Variants in NPFFR2 observed in about 807,000 individuals in gnomAD.
The protein encoded by NPFFR2 is G-protein coupled receptor 74.
Under a neutral mutation model 13.1 loss-of-function variants are expected in NPFFR2, and 15 were observed. The ratio of observed to expected loss-of-function variants is 1.15; its 90% CI spans 0.77 to 1.76. The LOEUF (loss-of-function observed/expected upper bound fraction) is 1.76, where lower values mean the gene tolerates loss of function less well. Ranked by LOEUF, NPFFR2 falls within the 40% of genes most tolerant of loss-of-function variation. The pLI, the probability that NPFFR2 is intolerant of heterozygous loss-of-function variation, is 0.00. For synonymous variants in NPFFR2, 190 were observed against 175.7 expected (o/e 1.08, Z -0.65); for missense variants, 572 against 503.5 (o/e 1.14, Z -1.30).
At chr4:72,129,397 A>G (rs561070786) in intron 2 of NPFFR2, among the ~76,000 whole-genome samples, 2 of 122,780 alleles carry the variant, frequency 1.6e-5, no homozygotes, top group South Asian at 3.2e-4. Flanking sequence ...CTTAGTATTT[A>G]TTGATCATCT....
At position 72,055,806 on chromosome 4, in the gene NPFFR2, T is replaced by G. The variant is rs1578425954; in HGVS notation, c.-8+23606T>G. ...ATGGCTGATATGGAGAAAGTCTGAG[T>G]CATCTGGATAGAAAATCTAACAAGC... On this transcript the variant is annotated intron_variant, in intron 1 of 3. Coordinates refer to ENST00000308744, the MANE Select transcript of NPFFR2 (RefSeq NM_004885.3). Among the ~76,000 whole-genome samples, 4 of 152,028 alleles carry G rather than the reference T, an allele frequency of 2.6e-5. No individual in the cohort carries two copies. In the South Asian group the frequency reaches 8.3e-4, roughly 32 times the overall value.
At chr4:72,146,928 G>T in intron 3 of NPFFR2, 50 bp from the exon 4 acceptor site, 2 of 1,268,648 alleles carry the variant, frequency 1.6e-6, no homozygotes, top group Non-Finnish European at 2.3e-6. Flanking sequence ...TGTATGACTT[G>T]GTCAGAAGTG....
At chr4:72,146,905 T>C (rs965322619) in intron 3 of NPFFR2, 73 bp from the exon 4 acceptor site, 6 of 1,006,386 alleles carry the variant, frequency 6.0e-6, no homozygotes, top group African/African-American at 1.6e-5. Flanking sequence ...TGTAACTACA[T>C]AAATAAATTT....
chr4:72,119,915 GC>G (rs1204566665), intron 1 of NPFFR2, among the ~76,000 whole-genome samples: 1 of 152,128 alleles, frequency 6.6e-6, no homozygotes, highest in African/African-American at 2.4e-5. Flanking sequence ...GGCACCAGGA[GC>G]CCGAGTGAGA....
At chr4:72,118,761 A>G (rs1034351274) in intron 1 of NPFFR2, among the ~76,000 whole-genome samples, 4 of 152,312 alleles carry the variant, frequency 2.6e-5, no homozygotes, top group South Asian at 4.1e-4. Context: ...CCATGCTTTT[A>G]GGTACTGAGA....
intron 1 of NPFFR2, among the ~76,000 whole-genome samples, chr4:72,064,194 A>C (rs1185592155): frequency 1.3e-5 from 2 of 152,210 alleles, no homozygotes; most frequent in Non-Finnish European, 2.9e-5. Flanking sequence ...AAAAACAACA[A>C]TATTAATCTC....
At chr4:72,043,216 T>C (rs780184751) in intron 1 of NPFFR2, among the ~76,000 whole-genome samples, 2 of 152,098 alleles carry the variant, frequency 1.3e-5, no homozygotes, top group African/African-American at 4.8e-5. Context: ...AAAGAATGTA[T>C]GGAAGTGCCT....
chr4:72,131,181 A>G (rs956258308), intron 2 of NPFFR2, among the ~76,000 whole-genome samples: 1 of 151,856 alleles, frequency 6.6e-6, no homozygotes, highest in African/African-American at 2.4e-5. Context: ...GATGGTTTTG[A>G]AAAAGGCAAA....
chr4:72,057,030 A>T (rs570771447), intron 1 of NPFFR2, among the ~76,000 whole-genome samples: 42 of 152,126 alleles, frequency 2.8e-4, no homozygotes, highest in African/African-American at 9.9e-4. Context: ...GACATGAGTA[A>T]AACCACAATA....
intron 1 of NPFFR2, among the ~76,000 whole-genome samples, chr4:72,068,062 T>A (rs113434519): frequency 0.013 from 2,007 of 152,312 alleles, 55 homozygotes; most frequent in African/African-American, 0.045. Context: ...CTGTAGCCAT[T>A]ACCCAATTCC....
At chr4:72,124,028 C>G (rs532253074) in intron 1 of NPFFR2, among the ~76,000 whole-genome samples, 145 of 152,178 alleles carry the variant, frequency 9.5e-4, no homozygotes, top group African/African-American at 3.4e-3. Context: ...TCGTCTCAGC[C>G]CAAAATCTCC....
At chr4:72,072,433 T>C (rs902084693) in intron 1 of NPFFR2, among the ~76,000 whole-genome samples, 13 of 151,902 alleles carry the variant, frequency 8.6e-5, no homozygotes, top group Non-Finnish European at 4.4e-5. Context: ...CTGAAATGAA[T>C]AGTCACTAGA....
chr4:72,125,656 T>C (rs1283902478), intron 1 of NPFFR2, among the ~76,000 whole-genome samples: 1 of 152,210 alleles, frequency 6.6e-6, no homozygotes, highest in East Asian at 1.9e-4. Context: ...CTACACGTTG[T>C]CTGCATTCCT....
At chr4:72,067,185 A>G (rs1349573531) in intron 1 of NPFFR2, among the ~76,000 whole-genome samples, 1 of 152,176 alleles carries the variant, frequency 6.6e-6, no homozygotes, top group African/African-American at 2.4e-5. Context: ...TCCTGTTTAT[A>G]GCATTGTGGC....
At chr4:72,072,815 G>A (rs112315040) in intron 1 of NPFFR2, among the ~76,000 whole-genome samples, 1 of 152,026 alleles carries the variant, frequency 6.6e-6, no homozygotes, top group African/African-American at 2.4e-5. Context: ...GTTGAAAGTA[G>A]CTTTAGAGGA....
chr4:72,069,412 TAAATA>T lies in NPFFR2; in HGVS notation c.-8+37218_-8+37222del, dbSNP rs199675460. On this transcript the variant is annotated intron_variant, in intron 1 of 3. Coordinates refer to ENST00000308744, the MANE Select transcript of NPFFR2 (RefSeq NM_004885.3). ...CAGCAGTCTTTCCTGATTAAAGTGC[TAAATA>T]AAATATAAATTTAAAAAACTTTTAA... 5.7e-3 allele frequency among the ~76,000 whole-genome samples: 871 copies of T among 152,236 alleles called. 5 individuals carry two copies. Among genetic ancestry groups the T allele is most frequent in the African/African-American group, 0.02 (838 of 41,570 alleles).
chr4:72,125,292 CAT>C (rs1722007325), intron 1 of NPFFR2, among the ~76,000 whole-genome samples: 1 of 152,140 alleles, frequency 6.6e-6, no homozygotes, highest in Non-Finnish European at 1.5e-5. Context: ...TGCTGGAGAA[CAT>C]GTGGAGAAAA....
chr4:72,054,282 G>T (rs1306639234), intron 1 of NPFFR2, among the ~76,000 whole-genome samples: 1 of 151,764 alleles, frequency 6.6e-6, no homozygotes, highest in Non-Finnish European at 1.5e-5. Context: ...TGTAAGCACG[G>T]CCATGTAGAC....
At chr4:72,100,984 AT>A (rs1038823255) in intron 1 of NPFFR2, among the ~76,000 whole-genome samples, 1 of 151,832 alleles carries the variant, frequency 6.6e-6, no homozygotes, top group Non-Finnish European at 1.5e-5. Flanking sequence ...AAATCATTCT[AT>A]TTTTTTTGTC....
Sources: allele counts gnomAD v4.1 joint callset (sites outside exome capture counted in the v4.1 genomes callset), GRCh38; gene constraint gnomAD v4.1.1; transcripts MANE v1.5; gene names NCBI Gene and HGNC (gene_info 2026-07-23, HGNC 2026-07-21).